TMEM132B: variants seen among roughly 807,000 people sequenced by gnomAD.
TMEM132B encodes transmembrane protein 132B.
In TMEM132B, 18 loss-of-function variants were observed where a neutral mutation model predicts 90.8. The ratio of observed to expected loss-of-function variants is 0.20; its 90% confidence interval spans 0.14 to 0.29. The LOEUF (loss-of-function observed/expected upper bound fraction) is 0.29, where lower values mean the gene tolerates loss of function less well. TMEM132B is among the 10% of genes least tolerant of loss of function. The pLI is 1.00. For missense variants in TMEM132B, 1,096 were observed against 1,326.8 expected (o/e 0.83, Z 2.70); for synonymous variants, 504 against 523.3 (o/e 0.96, Z 0.50).
At chr12:125,338,085 A>G (rs1877035281) in intron 1 of TMEM132B, among the ~76,000 whole-genome samples, 1 of 152,222 alleles carries the variant, frequency 6.6e-6, no homozygotes, top group Non-Finnish European at 1.5e-5. Context: ...TTGCATTAAA[A>G]ATATCAACTT....
chr12:125,390,029 T>C (rs1878964098), intron 2 of TMEM132B, among the ~76,000 whole-genome samples: 1 of 152,192 alleles, frequency 6.6e-6, no homozygotes, highest in African/African-American at 2.4e-5. Flanking sequence ...ATAAGCTCCA[T>C]ATGCTCCTTC....
Position 125,459,077 on chromosome 12 carries a change from G to A in TMEM132B, c.1106+43400G>A, listed in dbSNP as rs141694235. On this transcript the variant is annotated intron_variant, in intron 3 of 8. Transcript: ENST00000682704. This position sits in a 1 kb window ranked among gnomAD's most constrained non-coding sequence, Gnocchi z 4.1. ...GCAAAGCCCCTTTCAGAGCACCCCC[G>A]TCCATCTTATGCCTGAGTGGAGCCA... 6.8e-4 allele frequency among the ~76,000 whole-genome samples: 103 copies of A among 152,258 alleles called. No individual in the cohort carries two copies. Among genetic ancestry groups the A allele is most frequent in the Non-Finnish European group, 1.2e-3 (84 of 68,008 alleles).
At chr12:125,258,890 G>A (rs1011899995) in intron 1 of TMEM132B, among the ~76,000 whole-genome samples, 3 of 152,204 alleles carry the variant, frequency 2.0e-5, no homozygotes, top group African/African-American at 7.2e-5. Context: ...AATACTGAAT[G>A]CGGAGAAGGA....
At chr12:125,514,834 C>T (rs1883066874) in intron 3 of TMEM132B, among the ~76,000 whole-genome samples, 1 of 152,190 alleles carries the variant, frequency 6.6e-6, no homozygotes, top group Admixed American at 6.5e-5. Context: ...TGGGGACACA[C>T]TGCTGGGTTA....
intron 3 of TMEM132B, among the ~76,000 whole-genome samples, chr12:125,478,707 A>T (rs900308235): frequency 6.6e-6 from 1 of 152,222 alleles, no homozygotes; most frequent in African/African-American, 2.4e-5. Flanking sequence ...ATCGAGGAGA[A>T]CTTCCCCAAC....
At chr12:125,474,186 T>TTTCCTGCC (rs1053248022) in intron 3 of TMEM132B, among the ~76,000 whole-genome samples, 1 of 151,740 alleles carries the variant, frequency 6.6e-6, no homozygotes, top group South Asian at 2.1e-4. Context: ...CTCTGACTGC[T>TTTCCTGCC]TTCCTGCCTT....
chr12:125,206,609 G>C (rs1593041276), intron 1 of TMEM132B, among the ~76,000 whole-genome samples: 1 of 152,072 alleles, frequency 6.6e-6, no homozygotes, highest in African/African-American at 2.4e-5. Flanking sequence ...TGGGTGTTTA[G>C]TCTTCCTCTG....
chr12:125,641,911 G>A (rs1013420044), intron 5 of TMEM132B, among the ~76,000 whole-genome samples: 1 of 152,162 alleles, frequency 6.6e-6, no homozygotes, highest in Non-Finnish European at 1.5e-5. Context: ...CTGGCAATAG[G>A]TGATAACCAC....
chr12:125,312,911 G>A (rs1336715897), intron 1 of TMEM132B, among the ~76,000 whole-genome samples: 1 of 152,176 alleles, frequency 6.6e-6, no homozygotes, highest in Non-Finnish European at 1.5e-5. Flanking sequence ...CCAATGGAGA[G>A]CTCTTCCTTT....
At chr12:125,289,939 T>A (rs534510554) in intron 1 of TMEM132B, among the ~76,000 whole-genome samples, 39 of 152,366 alleles carry the variant, frequency 2.6e-4, no homozygotes, top group African/African-American at 8.9e-4. Context: ...CTAGTCATGC[T>A]GCTGACATAT....
At chr12:125,653,025 A>G (rs996418725) in intron 8 of TMEM132B, among the ~76,000 whole-genome samples, 29 of 152,214 alleles carry the variant, frequency 1.9e-4, no homozygotes, top group Non-Finnish European at 1.0e-4. Flanking sequence ...TGTTTACAAT[A>G]AGTATGGTCA....
At chr12:125,296,117 G>A (rs1875667432) in intron 1 of TMEM132B, among the ~76,000 whole-genome samples, 1 of 152,184 alleles carries the variant, frequency 6.6e-6, no homozygotes, top group African/African-American at 2.4e-5. Context: ...TCCTTCCTCT[G>A]CTCAGAATCC....
At chr12:125,404,555 C>G (rs1027150515) in intron 2 of TMEM132B, among the ~76,000 whole-genome samples, 1 of 152,182 alleles carries the variant, frequency 6.6e-6, no homozygotes, top group Non-Finnish European at 1.5e-5. Context: ...TGCTGATCCA[C>G]GTCTTTGTTC....
chr12:125,340,233 C>T (rs936305950), intron 1 of TMEM132B, among the ~76,000 whole-genome samples: 9 of 151,940 alleles, frequency 5.9e-5, no homozygotes, highest in African/African-American at 1.2e-4. Flanking sequence ...TAGAGAATAG[C>T]GAAAAATGTG....
At chr12:125,336,372 G>A (rs759693946) in intron 1 of TMEM132B, among the ~76,000 whole-genome samples, 33 of 152,146 alleles carry the variant, frequency 2.2e-4, no homozygotes, top group Non-Finnish European at 3.4e-4. Context: ...AGGTACCGAG[G>A]CTTCTTTAAC....
intron 1 of TMEM132B, among the ~76,000 whole-genome samples, chr12:125,248,860 G>A (rs1874258375): frequency 6.6e-6 from 1 of 152,004 alleles, no homozygotes; most frequent in African/African-American, 2.4e-5. Flanking sequence ...TGGTCTGAGG[G>A]TCCGCACCAA....
chr12:125,305,705 C>T (rs1483440034), intron 1 of TMEM132B, among the ~76,000 whole-genome samples: 2 of 152,136 alleles, frequency 1.3e-5, no homozygotes, highest in Non-Finnish European at 2.9e-5. Flanking sequence ...CCTCCTAACA[C>T]TTTGCTGTGA....
chr12:125,530,130 T>C (rs898489395), intron 4 of TMEM132B, among the ~76,000 whole-genome samples: 3 of 152,206 alleles, frequency 2.0e-5, no homozygotes, highest in Admixed American at 2.0e-4. Flanking sequence ...GAGTGTAATA[T>C]TCTTTACAGT....
At chr12:125,339,519 C>T (rs956145011) in intron 1 of TMEM132B, among the ~76,000 whole-genome samples, 14 of 152,234 alleles carry the variant, frequency 9.2e-5, no homozygotes, top group African/African-American at 2.9e-4. Flanking sequence ...GGAACACCCA[C>T]TCCAGGCAGA....
Sources: allele counts gnomAD v4.1 joint callset (sites outside exome capture counted in the v4.1 genomes callset), GRCh38; gene constraint gnomAD v4.1.1; non-coding constraint Gnocchi (gnomAD v3.1); transcripts MANE v1.5; gene names NCBI Gene and HGNC (gene_info 2026-07-23, HGNC 2026-07-21).